DUS3L: variants seen among roughly 807,000 people sequenced by gnomAD.
DUS3L encodes the protein tRNA-dihydrouridine(47) synthase [NAD(P)(+)]-like.
In DUS3L, 62 loss-of-function variants were observed where a neutral mutation model predicts 74.6. That is an observed-to-expected ratio of 0.83 (90% CI 0.68 to 1.03). The LOEUF (loss-of-function observed/expected upper bound fraction) is 1.03. Among genes scored for constraint, DUS3L ranks in the 50% least tolerant of loss-of-function variants. DUS3L has a pLI of 0.00. For missense variants in DUS3L, 884 were observed against 924.4 expected, an observed-to-expected ratio of 0.96 and a Z score of 0.57; for synonymous variants, 433 against 395.7, an observed-to-expected ratio of 1.09 and a Z score of -1.12.
At chr19:5,788,791 C>T (rs2056880189) in intron 3 of DUS3L, among the ~76,000 whole-genome samples, 1 of 151,436 alleles carries the variant, frequency 6.6e-6, no homozygotes, top group Non-Finnish European at 1.5e-5. Flanking sequence ...ACTGCAACAT[C>T]CGCCTCCTGG....
In DUS3L at chr19:5,785,461, C is replaced by T. The variant is rs1049492063; in HGVS notation, c.1802G>A (p.Arg601Gln). Reference protein sequence around the residue: ...LERLPQRINERPPYYLGRDYL... With the variant: ...LERLPQRINEQPPYYLGRDYL... ...GTCGCGGCCCAGGTAGTAGGGCGGC[C>T]GCTCGTTGATCCTCTGTGGGAGCCG... Residue 601 changes from arginine to glutamine, a missense_variant, in exon 12 of 13, where the codon CGG (arginine) becomes CAG (glutamine). Transcript: ENST00000309061. 2.9e-5 allele frequency: 46 copies of T among 1,585,090 alleles called. No individual in the cohort carries two copies. Among genetic ancestry groups the T allele is most frequent in the Non-Finnish European group, 3.6e-5 (42 of 1,165,758 alleles).
chr19:5,787,901 C>A, intron 5 of DUS3L, 123 bp downstream of exon 5: 3 of 1,472,952 alleles, frequency 2.0e-6, no homozygotes, highest in Middle Eastern at 2.4e-4. Context: ...ATCAGGGCAT[C>A]ACCCCCACTC....
chr19:5,789,824 G>T, intron 2 of DUS3L, 105 bp from the exon 3 acceptor site: 1 of 1,453,790 alleles, frequency 6.9e-7, no homozygotes, highest in Non-Finnish European at 9.3e-7. Flanking sequence ...TTGTGTCCCT[G>T]AGCAAGTCAG....
At chr19:5,788,285 A>G in intron 4 of DUS3L, 72 bp downstream of exon 4, 1 of 1,610,852 alleles carries the variant, frequency 6.2e-7, no homozygotes, top group Non-Finnish European at 8.5e-7. Flanking sequence ...AGGTGGGGAC[A>G]GACACTAAGC....
At chr19:5,785,864 C>A in intron 10 of DUS3L, 73 bp from the exon 11 acceptor site, 1 of 1,460,074 alleles carries the variant, frequency 6.8e-7, no homozygotes. Context: ...GCTTCCATGG[C>A]CTGGCCTGAG....
At position 5,789,728 on chromosome 19, in the gene DUS3L, A is replaced by T. The variant is rs758618210; in HGVS notation, c.388-9T>A. 3 of 1,593,090 alleles carry T rather than the reference A, an allele frequency of 1.9e-6. No individual in the cohort carries two copies. The East Asian group carries it at 6.8e-5, about 36-fold the overall frequency. On this transcript the variant is annotated splice_polypyrimidine_tract_variant and intron_variant, in intron 2 of 12. Coordinates refer to ENST00000309061, the MANE Select transcript of DUS3L (RefSeq NM_020175.3). ...CACTTAGCAGCCGACTCCTGCGAGG[A>T]AACAGGGAAGCAGTGAGGGAGGACA...
intron 6 of DUS3L, 101 bp downstream of exon 6, chr19:5,787,488 A>T: frequency 6.6e-7 from 1 of 1,517,814 alleles, no homozygotes; most frequent in African/African-American, 1.4e-5. Flanking sequence ...CCAGGGCCAC[A>T]CTTGAGCCCA....
chr19:5,790,054 A>T lies in DUS3L; in HGVS notation c.380T>A (p.Leu127Gln). 1 of 1,613,426 alleles carries T rather than the reference A, an allele frequency of 6.2e-7. No individual in the cohort carries two copies. Among genetic ancestry groups the T allele is most frequent in the South Asian group, 1.1e-5 (1 of 91,072 alleles). Reference sequence around the variant, plus strand: ...TCACGTGGCCGCACTTGCCTGGATTAGGGAGGGACACAGCCTGTTCTTGTC... The same window carrying T: ...TCACGTGGCCGCACTTGCCTGGATTTGGGAGGGACACAGCCTGTTCTTGTC... ...NYDKNRLCPS[L>Q]IQESAAKCFF... Residue 127 changes from leucine (L) to glutamine (Q), a missense_variant, in exon 2 of 13, where the codon CTA becomes CAA. By Grantham distance (113) the Leu-to-Gln change is moderately radical. Transcript: ENST00000309061.
rs1128792 is a variant in DUS3L at position 5,786,890 on chromosome 19, C to T, written c.1390-45G>A. On this transcript the variant is annotated intron_variant, in intron 8 of 12. Coordinates refer to ENST00000309061, the MANE Select transcript of DUS3L (RefSeq NM_020175.3). ...GCAGGGTAGGAGGCAGAGAGTGAGA[C>T]GCAGAGAGGAAGAGACCAAGAGAGC... 175,572 of 1,561,950 alleles carry T rather than the reference C, an allele frequency of 0.11. 10,751 individuals are homozygous for T. Among genetic ancestry groups the T allele is most frequent in the Middle Eastern group, 0.2 (1,166 of 5,844 alleles).
chr19:5,790,721 C>T, intron 1 of DUS3L: 1 of 549,924 alleles, frequency 1.8e-6, no homozygotes, highest in Non-Finnish European at 3.2e-6. Flanking sequence ...ACCCCAAGAC[C>T]CGCCAGTAAC....
rs1468901553 is a variant in DUS3L, at chr19:5,790,126, G to C, written c.308C>G (p.Ala103Gly). 2 of 1,614,152 alleles carry C rather than the reference G, an allele frequency of 1.2e-6. No homozygotes were observed. The highest frequency in any genetic ancestry group is 8.5e-7 in the Non-Finnish European group (1 of 1,180,028). ...GGGCCGGCCCTTGTTTTGTCCCCGG[G>C]CCCTCTTCTGAGTCTGTAGCTGCTC... is the stretch of plus-strand genomic sequence containing the variant. ...PGEQLQTQKR[A>G]RGQNKGRPHV... The change falls in exon 2 of 13, where the codon GCC (alanine) becomes GGC (glycine). Residue 103 changes from alanine (A) to glycine (G), a missense_variant. Transcript: ENST00000309061.
rs765235411 is a variant in DUS3L at position 5,787,090 on chromosome 19, G to A, written c.1360C>T (p.Leu454=). ...VNLAHRLLPE[L]RDWGVALVTL... The stretch of plus-strand genomic sequence containing the variant: ...ACGAGTGCCACGCCCCAGTCCCGCA[G>A]CTCGGGCAGCAGGCGGTGCGCCAGG... The change falls in exon 8 of 13, where the codon CTG becomes TTG. Residue 454 remains leucine, a synonymous_variant. Transcript: ENST00000309061. The A allele has an allele frequency of 7.3e-6, 11 of 1,499,352 alleles. No homozygotes were observed. The South Asian group carries it at 1.2e-4, about 17-fold the overall frequency. The allele number at this position is 1,499,352 out of a possible 1,614,324, so 92.9% of individuals were successfully genotyped here.
chr19:5,788,202 C>G (rs1568387375), intron 4 of DUS3L, 26 bp from the exon 5 acceptor site: 10 of 1,612,738 alleles, frequency 6.2e-6, no homozygotes, highest in Non-Finnish European at 7.6e-6. Context: ...GACAGACACA[C>G]ATGCTCTTGC....
Position 5,788,331 on chromosome 19 carries a change from GACCAGCC to G in DUS3L, c.942+19_942+25del. ...TGACCACACTGCCACCCTGCCACCC[GACCAGCC>G]ACCTGACCCAGGTCCTACCGTGGTG... On this transcript the variant is annotated intron_variant, in intron 4 of 12. Coordinates refer to ENST00000309061, the MANE Select transcript of DUS3L (RefSeq NM_020175.3). 1 of 1,613,466 alleles carries G rather than the reference GACCAGCC, an allele frequency of 6.2e-7. No homozygotes were observed. Among genetic ancestry groups the G allele is most frequent in the Non-Finnish European group, 8.5e-7 (1 of 1,179,958 alleles).
At position 5,790,320 on chromosome 19, in the gene DUS3L, C is replaced by T; in HGVS notation, c.114G>A (p.Lys38=). ...CTTCCAGGAATTGGTGAAACTGCTC[C>T]TTGGTGGTGAGGTATCTGCCGACAG... is the stretch of plus-strand genomic sequence containing the variant. ...APIKRQYLTT[K]EQFHQFLEAK... Residue 38 remains lysine, a synonymous_variant, in exon 2 of 13, where the codon AAG becomes AAA. Coordinates refer to ENST00000309061, the MANE Select transcript of DUS3L (RefSeq NM_020175.3). The T allele has an allele frequency of 6.2e-7, 1 of 1,614,106 alleles. No individual in the cohort carries two copies. The highest frequency in any genetic ancestry group is 8.5e-7 in the Non-Finnish European group (1 of 1,179,998).
At position 5,785,457 on chromosome 19, in the gene DUS3L, C is replaced by T. The variant is rs779833308; in HGVS notation, c.1806G>A (p.Pro602=). ...GGTAGTCGCGGCCCAGGTAGTAGGG[C>T]GGCCGCTCGTTGATCCTCTGTGGGA... The part of the protein sequence containing the change: ...ERLPQRINER[P]PYYLGRDYLE... The change falls in exon 12 of 13, where the codon CCG becomes CCA. Residue 602 remains proline, a synonymous_variant. Coordinates refer to ENST00000309061, the MANE Select transcript of DUS3L (RefSeq NM_020175.3). 132 of 1,585,316 alleles carry T rather than the reference C, an allele frequency of 8.3e-5. No homozygotes were observed. Among genetic ancestry groups the T allele is most frequent in the Middle Eastern group, 6.8e-4 (4 of 5,924 alleles).
intron 2 of DUS3L, 125 bp from the exon 3 acceptor site, chr19:5,789,844 C>G: frequency 2.2e-6 from 3 of 1,338,780 alleles, no homozygotes; most frequent in Non-Finnish European, 2.0e-6. Context: ...GGCACCTCAC[C>G]GTGCCTCTGC....
chr19:5,788,270 C>T lies in DUS3L; in HGVS notation c.942+87G>A, dbSNP rs944250112. On this transcript the variant is annotated intron_variant, in intron 4 of 12. Transcript: ENST00000309061. ...TGAATATGCGCCCCAGCCCCACAAT[C>T]CAGTAGGTGGGGACAGACACTAAGC... 23 of 1,610,370 alleles carry T rather than the reference C, an allele frequency of 1.4e-5. No homozygotes were observed. In the African/African-American group the frequency reaches 2.7e-4, roughly 19 times the overall value.
In DUS3L at chr19:5,787,728, C is replaced by T. The variant is rs141180700; in HGVS notation, c.1096-23G>A. 8.0e-4 allele frequency: 1,283 copies of T among 1,609,854 alleles called. 9 individuals carry two copies. The African/African-American group carries it at 0.015, about 19-fold the overall frequency. ...CAGCTGTAGGTGGGTAGTGGCAGAA[C>T]AGGAGGGTGAGGGGAGAGTCCGAAC... On this transcript the variant is annotated intron_variant, in intron 5 of 12. Transcript: ENST00000309061.
Sources: allele counts gnomAD v4.1 joint callset (sites outside exome capture counted in the v4.1 genomes callset), GRCh38; gene constraint gnomAD v4.1.1; transcripts MANE v1.5; gene names NCBI Gene and HGNC (gene_info 2026-07-23, HGNC 2026-07-21).